Variants in NRCAM observed in about 807,000 individuals in gnomAD.
NRCAM encodes NgCAM-related cell adhesion molecule.
NRCAM carries 83 observed loss-of-function variants against 156.5 expected under a neutral mutation model. The ratio of observed to expected loss-of-function variants is 0.53; its 90% confidence interval spans 0.44 to 0.64. The LOEUF (loss-of-function observed/expected upper bound fraction) is 0.64, where lower values mean the gene tolerates loss of function less well. Ranked by LOEUF, NRCAM falls within the 30% of genes least tolerant of loss-of-function variation. The probability of loss-of-function intolerance (pLI) is 0.00; values close to 1 mark genes in which losing one functional copy is unlikely to be tolerated. For synonymous variants in NRCAM, 538 were observed against 563.9 expected, an observed-to-expected ratio of 0.95 and a Z score of 0.65; for missense variants, 1,417 against 1,597.3, an observed-to-expected ratio of 0.89 and a Z score of 1.92.
intron 1 of NRCAM, among the ~76,000 whole-genome samples, chr7:108,447,275 T>C (rs1845494455): frequency 6.8e-6 from 1 of 146,396 alleles, no homozygotes. Flanking sequence ...TTTTTTTTTT[T>C]TTTTTTTTTA....
In NRCAM at chr7:108,178,116, A is replaced by G. The variant is rs2061641707; in HGVS notation, c.2852-4T>C. 6.2e-7 allele frequency: 1 copy of G among 1,608,620 alleles called. No homozygotes were observed. Among genetic ancestry groups the G allele is most frequent in the African/African-American group, 1.3e-5 (1 of 74,448 alleles). On this transcript the variant is annotated splice_region_variant and splice_polypyrimidine_tract_variant and intron_variant, in intron 25 of 32. Coordinates refer to ENST00000379028, the MANE Select transcript of NRCAM (RefSeq NM_001037132.4). ...AAAGACGAGGGAGCACTGGGGACTT[A>G]CAGTGAGAACTTACAGTCAACACAA... is the stretch of plus-strand genomic sequence containing the variant.
chr7:108,283,702 C>G (rs1591651124), intron 3 of NRCAM, among the ~76,000 whole-genome samples: 3 of 152,256 alleles, frequency 2.0e-5, no homozygotes, highest in Admixed American at 2.0e-4. Flanking sequence ...ACTGTTGACC[C>G]CTTGCTACCT....
Position 108,225,628 on chromosome 7 carries a change from C to A in NRCAM, c.778+17G>T, listed in dbSNP as rs1485203349. On this transcript the variant is annotated intron_variant, in intron 10 of 32. Transcript: ENST00000379028. The stretch of plus-strand genomic sequence containing the variant: ...ACAATGAAGGAGAGAATATCAGTTA[C>A]AATCACCATAACTCACCACCATAAA... The A allele has an allele frequency of 6.7e-7, 1 of 1,499,422 alleles. No homozygotes were observed. The highest frequency in any genetic ancestry group is 1.4e-5 in the African/African-American group (1 of 72,484). 92.9% of individuals were successfully genotyped at this position (1,499,422 alleles called of 1,614,324 possible).
At chr7:108,400,854 T>C (rs1208141930) in intron 1 of NRCAM, among the ~76,000 whole-genome samples, 2 of 152,010 alleles carry the variant, frequency 1.3e-5, no homozygotes, top group African/African-American at 4.8e-5. Flanking sequence ...CACAACTCTG[T>C]TTCAGGATGG....
intron 2 of NRCAM, among the ~76,000 whole-genome samples, chr7:108,346,903 G>A (rs2099359363): frequency 7.4e-6 from 1 of 135,112 alleles, no homozygotes. Flanking sequence ...TTCATCATAT[G>A]TTTAACACTT....
At chr7:108,390,086 G>T (rs1001203765) in intron 2 of NRCAM, among the ~76,000 whole-genome samples, 4 of 152,072 alleles carry the variant, frequency 2.6e-5, no homozygotes, top group African/African-American at 9.7e-5. Context: ...ACTTAGGGAG[G>T]ATTCCCTTTT....
At chr7:108,358,363 C>A (rs1323549138) in intron 2 of NRCAM, among the ~76,000 whole-genome samples, 1 of 151,938 alleles carries the variant, frequency 6.6e-6, no homozygotes, top group Non-Finnish European at 1.5e-5. Context: ...CGTGGTTATA[C>A]CACTGCACTC....
At chr7:108,239,369 C>G (rs910773837) in intron 4 of NRCAM, among the ~76,000 whole-genome samples, 3 of 152,092 alleles carry the variant, frequency 2.0e-5, no homozygotes, top group African/African-American at 7.2e-5. Flanking sequence ...TTGTTAGGCT[C>G]TAGATAAGAT....
At chr7:108,373,295 A>C (rs966139823) in intron 2 of NRCAM, among the ~76,000 whole-genome samples, 6 of 152,186 alleles carry the variant, frequency 3.9e-5, no homozygotes, top group African/African-American at 1.4e-4. Context: ...CCCTAAATTC[A>C]ACAGTACTGT....
intron 8 of NRCAM, among the ~76,000 whole-genome samples, chr7:108,228,209 T>C (rs542848924): frequency 1.4e-4 from 21 of 152,016 alleles, no homozygotes; most frequent in African/African-American, 5.1e-4. Context: ...GTAATCTCAG[T>C]TACTCGGGAA....
intron 5 of NRCAM, among the ~76,000 whole-genome samples, chr7:108,235,720 G>C (rs1407326803): frequency 6.6e-6 from 1 of 152,110 alleles, no homozygotes; most frequent in Non-Finnish European, 1.5e-5. Flanking sequence ...CAATGGTCTC[G>C]ACTGGGGTGG....
chr7:108,220,728 C>G (rs890090560), intron 11 of NRCAM, among the ~76,000 whole-genome samples: 3 of 152,118 alleles, frequency 2.0e-5, no homozygotes, highest in African/African-American at 7.2e-5. Context: ...AATCTAAGAC[C>G]TGAAATTATA....
At chr7:108,224,443 T>A (rs1004329510) in intron 10 of NRCAM, among the ~76,000 whole-genome samples, 6 of 152,042 alleles carry the variant, frequency 3.9e-5, no homozygotes, top group Non-Finnish European at 8.8e-5. Flanking sequence ...GTTAAATAAA[T>A]GGAAATCATT....
intron 2 of NRCAM, among the ~76,000 whole-genome samples, chr7:108,369,370 T>C (rs1189390179): frequency 6.6e-6 from 1 of 152,102 alleles, no homozygotes; most frequent in Non-Finnish European, 1.5e-5. Flanking sequence ...TGATAATTTT[T>C]TTTGAAAATT....
At chr7:108,419,513 T>C (rs1159176479) in intron 1 of NRCAM, among the ~76,000 whole-genome samples, 1 of 150,524 alleles carries the variant, frequency 6.6e-6, no homozygotes, top group Non-Finnish European at 1.5e-5. Context: ...TGAGCTCACT[T>C]TGCATTCAGT....
At chr7:108,384,107 G>T (rs2099723161) in intron 2 of NRCAM, among the ~76,000 whole-genome samples, 1 of 152,140 alleles carries the variant, frequency 6.6e-6, no homozygotes, top group Non-Finnish European at 1.5e-5. Context: ...GATCTGGGAG[G>T]GTGGGAGGAA....
intron 1 of NRCAM, among the ~76,000 whole-genome samples, chr7:108,430,956 A>G (rs1016956805): frequency 6.6e-6 from 1 of 152,190 alleles, no homozygotes; most frequent in Non-Finnish European, 1.5e-5. Flanking sequence ...CTGAAAATCC[A>G]TAAGCTCCAG....
chr7:108,414,795 G>A (rs1799483552), intron 1 of NRCAM, among the ~76,000 whole-genome samples: 1 of 152,150 alleles, frequency 6.6e-6, no homozygotes, highest in Non-Finnish European at 1.5e-5. Context: ...ACAGAGAAGG[G>A]GGGAAGACTG....
At chr7:108,441,353 T>G (rs1291755207) in intron 1 of NRCAM, among the ~76,000 whole-genome samples, 1 of 152,210 alleles carries the variant, frequency 6.6e-6, no homozygotes, top group East Asian at 1.9e-4. Context: ...ACAGCCACAA[T>G]ATCAGATTGC....
Sources: gnomAD v4.1 joint callset for allele counts (sites outside exome capture counted in the v4.1 genomes callset) on GRCh38, gnomAD v4.1.1 for gene constraint, MANE v1.5 for transcripts, NCBI Gene and HGNC (gene_info 2026-07-23, HGNC 2026-07-21) for gene names.